The following MASP1 variants were observed in gnomAD, a reference collection of about 807,000 sequenced individuals.
The protein encoded by MASP1 is mannan-binding lectin serine protease 1.
A neutral mutation model predicts 77.1 loss-of-function variants in MASP1; 59 were observed. The observed-to-expected ratio is 0.77, with a 90% CI of 0.62 to 0.95. The LOEUF is 0.95. Ranked by LOEUF, MASP1 falls within the 40% of genes least tolerant of loss-of-function variation. The probability of loss-of-function intolerance (pLI) is 0.00; values close to 1 mark genes in which losing one functional copy is unlikely to be tolerated. For missense variants in MASP1, 885 were observed against 912.9 expected (o/e 0.97, Z 0.39); for synonymous variants, 362 against 354.5 (o/e 1.02, Z -0.24).
At chr3:187,291,251 C>A (rs1189395551) in intron 1 of MASP1, 1 of 375,186 alleles carries the variant, frequency 2.7e-6, no homozygotes, top group South Asian at 2.4e-5. Context: ...TCACAAAGTG[C>A]TGGAAGAGAG....
intron 2 of MASP1, among the ~76,000 whole-genome samples, chr3:187,270,995 C>T (rs1203068270): frequency 6.6e-6 from 1 of 152,206 alleles, no homozygotes; most frequent in East Asian, 1.9e-4. Context: ...ATTGTTTTAG[C>T]TGCTAAGTGT....
chr3:187,287,851 C>T (rs1717985761), intron 1 of MASP1, among the ~76,000 whole-genome samples: 1 of 152,168 alleles, frequency 6.6e-6, no homozygotes, highest in Admixed American at 6.5e-5. Context: ...ATGCATATAT[C>T]TGTGTAATGC....
At position 187,234,121 on chromosome 3, in the gene MASP1, CT is replaced by C; in HGVS notation, c.*1562del. On this transcript the variant is annotated 3_prime_UTR_variant, in exon 11 of 11. Coordinates refer to ENST00000296280, the MANE Select transcript of MASP1 (RefSeq NM_139125.4). ...GAGGGTTTATTTCCACTTGAGACCC[CT>C]GATGGGAGCAACAATGCAGAGGCCC... 1.6e-6 allele frequency: 2 copies of C among 1,285,444 alleles called. No homozygotes were observed. Among genetic ancestry groups the C allele is most frequent in the Middle Eastern group, 3.3e-4 (1 of 3,054 alleles). 79.6% of individuals were successfully genotyped at this position (1,285,444 alleles called of 1,614,324 possible).
At chr3:187,259,997 G>A (rs903935330) in intron 4 of MASP1, among the ~76,000 whole-genome samples, 17 of 152,266 alleles carry the variant, frequency 1.1e-4, no homozygotes, top group Admixed American at 9.2e-4. Flanking sequence ...TCTGTCAAGG[G>A]TCACAACTCT....
Position 187,256,728 on chromosome 3 carries a change from T to C in MASP1, c.680A>G (p.Gln227Arg), listed in dbSNP as rs1291101209. 3 of 1,613,838 alleles carry C rather than the reference T, an allele frequency of 1.9e-6. No homozygotes were observed. The highest frequency in any genetic ancestry group is 2.5e-6 in the Non-Finnish European group (3 of 1,180,004). ...CTCAATGTCAAATATGTCCTCAAACTGCAGGTTGACCATGAAACCCTCCTC... is the reference window on the plus strand; with the variant it reads ...CTCAATGTCAAATATGTCCTCAAACCGCAGGTTGACCATGAAACCCTCCTC... ...ELEEGFMVNLQFEDIFDIEDH... is the reference protein window; with the variant it reads ...ELEEGFMVNLRFEDIFDIEDH... Residue 227 changes from glutamine to arginine, a missense_variant, in exon 5 of 11, where the codon CAG (glutamine) becomes CGG (arginine). Gln to Arg is a conservative substitution (Grantham distance 43). Transcript: ENST00000296280.
In MASP1 at chr3:187,256,559, G is replaced by C. The variant is rs1010761563; in HGVS notation, c.744+105C>G. 5 of 1,025,018 alleles carry C rather than the reference G, an allele frequency of 4.9e-6. No homozygotes were observed. In the South Asian group the frequency reaches 5.3e-5, roughly 11 times the overall value. The allele number at this position is 1,025,018 out of a possible 1,614,324, so 63.5% of individuals were successfully genotyped here. On this transcript the variant is annotated intron_variant, in intron 5 of 10. Coordinates refer to ENST00000296280, the MANE Select transcript of MASP1 (RefSeq NM_139125.4). ...GCCTTTTTGAGGAACTAGCTGCTAGGCTCTCTATCCTGGGAGAAGAAGGTG... is the reference window on the plus strand; with the variant it reads ...GCCTTTTTGAGGAACTAGCTGCTAGCCTCTCTATCCTGGGAGAAGAAGGTG...
chr3:187,239,559 T>C (rs1268551917), intron 10 of MASP1, among the ~76,000 whole-genome samples: 1 of 152,224 alleles, frequency 6.6e-6, no homozygotes, highest in African/African-American at 2.4e-5. Context: ...GCATGGAATC[T>C]ATCCCTAGCT....
intron 9 of MASP1, chr3:187,241,947 T>C: frequency 7.4e-6 from 2 of 269,984 alleles, no homozygotes; most frequent in South Asian, 8.5e-5. Context: ...ACCACACTCT[T>C]CAGCATGGTG....
At chr3:187,232,233 C>T (rs850315), downstream of MASP1, among the ~76,000 whole-genome samples, 33 of 109,898 alleles carry the variant, frequency 3.0e-4, no homozygotes, top group South Asian at 3.0e-4. Context: ...CCTTCCCCCC[C>T]CCCCCTTTTT....
rs959917270 is a variant in MASP1, at chr3:187,279,470, A to T, written c.237+6355T>A. Among the ~76,000 whole-genome samples, 3 of 151,818 alleles carry T rather than the reference A, an allele frequency of 2.0e-5. No individual in the cohort carries two copies. In the South Asian group the frequency reaches 6.2e-4, roughly 32 times the overall value. On this transcript the variant is annotated intron_variant, in intron 2 of 10. Coordinates refer to ENST00000296280, the MANE Select transcript of MASP1 (RefSeq NM_139125.4). The stretch of plus-strand genomic sequence containing the variant: ...TGTCATAATTCTTTCTTTTTTTTAC[A>T]CCCCCAAATCATAGTATAAGTTAAT...
At chr3:187,255,593 G>A (rs1362028432) in intron 5 of MASP1, among the ~76,000 whole-genome samples, 3 of 152,154 alleles carry the variant, frequency 2.0e-5, no homozygotes, top group Non-Finnish European at 4.4e-5. Flanking sequence ...ATAGAAAACC[G>A]GTGGCCTATG....
In MASP1 at chr3:187,235,078, G is replaced by T. The variant is rs1344186957; in HGVS notation, c.*606C>A. 1 of 1,287,276 alleles carries T rather than the reference G, an allele frequency of 7.8e-7. No homozygotes were observed. The highest frequency in any genetic ancestry group is 2.3e-5 in the Admixed American group (1 of 43,562). The allele number at this position is 1,287,276 out of a possible 1,614,324, so 79.7% of individuals were successfully genotyped here. On this transcript the variant is annotated 3_prime_UTR_variant, in exon 11 of 11. Transcript: ENST00000296280. Reference sequence around the variant, plus strand: ...GAACATAAGGGATAAGGCTTAGACTGCAAGAAGCTTTTGGGAGAGAAACCC... The same window carrying T: ...GAACATAAGGGATAAGGCTTAGACTTCAAGAAGCTTTTGGGAGAGAAACCC...
Position 187,253,325 on chromosome 3 carries a change from A to T in MASP1, c.745-10T>A, listed in dbSNP as rs956713602. On this transcript the variant is annotated splice_polypyrimidine_tract_variant and intron_variant, in intron 5 of 10. Transcript: ENST00000296280. ...TTGGACCAACTTTGATCTGCAAAAT[A>T]TGAGAGAGAGAGAGAGAAATAGAGT... is the stretch of plus-strand genomic sequence containing the variant. 6.2e-7 allele frequency: 1 copy of T among 1,614,054 alleles called. No homozygotes were observed. Among genetic ancestry groups the T allele is most frequent in the Non-Finnish European group, 8.5e-7 (1 of 1,179,942 alleles).
chr3:187,266,574 T>C (rs1020969183), intron 2 of MASP1, among the ~76,000 whole-genome samples: 1 of 151,898 alleles, frequency 6.6e-6, no homozygotes, highest in African/African-American at 2.4e-5. Flanking sequence ...GTAGAAATCA[T>C]AGATGGAGGG....
In MASP1 at chr3:187,220,393, GC is replaced by G. The variant is rs1560225192; in HGVS notation, c.1910-133del. The G allele has an allele frequency of 4.1e-6, 3 of 740,334 alleles. No individual in the cohort carries two copies. The African/African-American group carries it at 5.3e-5, about 13-fold the overall frequency. The allele number at this position is 740,334 out of a possible 1,614,324, so 45.9% of individuals were successfully genotyped here. On this transcript the variant is annotated intron_variant, in intron 15 of 15. Transcript: ENST00000337774. ...AGCAGACCGTTGGACCCAAACCTCA[GC>G]TCTGGGCAGTTCTAGGTCAGGCCGC...
Position 187,291,662 on chromosome 3 carries a change from G to A in MASP1, c.-30C>T, listed in dbSNP as rs781665924. On this transcript the variant is annotated 5_prime_UTR_variant, in exon 1 of 11. Coordinates refer to ENST00000296280, the MANE Select transcript of MASP1 (RefSeq NM_139125.4). ...CTGCCTTGGGTGCTCCCGGCTGCCC[G>A]GCCTTGGTCCTCCCAGCTTGACTTG... 28 of 1,614,034 alleles carry A rather than the reference G, an allele frequency of 1.7e-5. No individual in the cohort carries two copies. Among genetic ancestry groups the A allele is most frequent in the African/African-American group, 2.7e-5 (2 of 74,922 alleles).
intron 7 of MASP1, chr3:187,251,278 C>T (rs1050405037): frequency 1.2e-4 from 34 of 274,410 alleles, no homozygotes; most frequent in African/African-American, 7.3e-4. Context: ...TACTTTTAAA[C>T]TGTTTACTTC....
At chr3:187,256,573 GAGA>G (rs1297568149) in intron 5 of MASP1, 88 bp downstream of exon 5, 6 of 1,200,652 alleles carry the variant, frequency 5.0e-6, no homozygotes, top group South Asian at 1.3e-5. Context: ...TCTATCCTGG[GAGA>G]AGAAGGTGAA....
At chr3:187,229,652 T>A, downstream of MASP1, 1 of 1,424,718 alleles carries the variant, frequency 7.0e-7, no homozygotes, top group African/African-American at 1.4e-5. Flanking sequence ...ACTGTGCTTC[T>A]GTGCCCTGAT....
Sources: gnomAD v4.1 joint callset for allele counts (sites outside exome capture counted in the v4.1 genomes callset) on GRCh38, gnomAD v4.1.1 for gene constraint, MANE v1.5 for transcripts, NCBI Gene and HGNC (gene_info 2026-07-23, HGNC 2026-07-21) for gene names.